The following IGSF11 variants were observed in gnomAD, a reference collection of about 807,000 sequenced individuals.
IGSF11 encodes CXADR like 1.
IGSF11 carries 22 observed loss-of-function variants against 41.0 expected under a neutral mutation model. The observed-to-expected ratio is 0.54, with a 90% confidence interval of 0.38 to 0.77. The LOEUF (loss-of-function observed/expected upper bound fraction) is 0.77. Ranked by LOEUF, IGSF11 falls within the 30% of genes least tolerant of loss-of-function variation. The probability of loss-of-function intolerance (pLI) is 0.00; values close to 1 mark genes in which losing one functional copy is unlikely to be tolerated. For synonymous variants in IGSF11, 219 were observed against 201.3 expected (o/e 1.09, Z -0.74); for missense variants, 444 against 530.8 (o/e 0.84, Z 1.61).
chr3:118,991,565 T>C (rs11919070), intron 1 of IGSF11, among the ~76,000 whole-genome samples: 3,953 of 152,318 alleles, frequency 0.026, 142 homozygotes, highest in African/African-American at 0.09. Flanking sequence ...TTAAAAAGTT[T>C]AATTTCCCTA....
chr3:119,007,234 C>T (rs1259621479), intron 1 of IGSF11, among the ~76,000 whole-genome samples: 2 of 145,000 alleles, frequency 1.4e-5, no homozygotes, highest in African/African-American at 5.4e-5. Flanking sequence ...TTTCCAGGTG[C>T]GTCCGTCACC....
chr3:118,998,014 T>G (rs1469916264), intron 1 of IGSF11, among the ~76,000 whole-genome samples: 1 of 152,196 alleles, frequency 6.6e-6, no homozygotes, highest in Non-Finnish European at 1.5e-5. Context: ...GTTTAACTAC[T>G]GTATACAAAC....
chr3:119,073,682 G>C lies in IGSF11; in HGVS notation c.49+31462C>G, dbSNP rs565891892. Among the ~76,000 whole-genome samples, 335 of 152,308 alleles carry C rather than the reference G, an allele frequency of 2.2e-3. 3 individuals are homozygous for C. Among genetic ancestry groups the C allele is most frequent in the African/African-American group, 7.4e-3 (308 of 41,570 alleles). On this transcript the variant is annotated intron_variant, in intron 1 of 6. Transcript: ENST00000354673. ...TCACTGCCCAGGGCCGGGAGCACCG[G>C]CCGGCTGCTCCAAGTGTGGGGCCAC... is the stretch of plus-strand genomic sequence containing the variant.
At chr3:118,986,585 T>C (rs1432273337) in intron 1 of IGSF11, among the ~76,000 whole-genome samples, 6 of 152,218 alleles carry the variant, frequency 3.9e-5, no homozygotes, top group Non-Finnish European at 8.8e-5. Flanking sequence ...TGGTGCCAAG[T>C]ACATACTTTC....
At chr3:119,081,267 A>G (rs1159552966) in intron 1 of IGSF11, among the ~76,000 whole-genome samples, 1 of 151,376 alleles carries the variant, frequency 6.6e-6, no homozygotes, top group African/African-American at 2.4e-5. Flanking sequence ...TTTTGTCTCT[A>G]TCTTTCCATC....
intron 1 of IGSF11, among the ~76,000 whole-genome samples, chr3:119,145,103 G>C (rs764596273): frequency 3.3e-5 from 5 of 152,202 alleles, no homozygotes; most frequent in Non-Finnish European, 7.3e-5. Context: ...AGTGTGCTTA[G>C]ATTCCCCTTT....
upstream of IGSF11, among the ~76,000 whole-genome samples, chr3:119,107,666 C>G (rs2107513891): frequency 6.6e-6 from 1 of 152,268 alleles, no homozygotes; most frequent in Non-Finnish European, 1.5e-5. Context: ...CTTGCCCATG[C>G]CTATGTCCTG....
intron 1 of IGSF11, among the ~76,000 whole-genome samples, chr3:118,971,938 CAT>C (rs1559980723): frequency 6.6e-6 from 1 of 152,032 alleles, no homozygotes; most frequent in Non-Finnish European, 1.5e-5. Context: ...TTTAAGATAA[CAT>C]ATTCCCAACA....
chr3:118,923,501 A>G (rs1333886288), intron 4 of IGSF11, among the ~76,000 whole-genome samples: 1 of 152,160 alleles, frequency 6.6e-6, no homozygotes, highest in African/African-American at 2.4e-5. Context: ...TGTTTCATCA[A>G]TTATCTCAAC....
chr3:119,135,703 C>T (rs982169773), intron 1 of IGSF11, among the ~76,000 whole-genome samples: 8 of 152,106 alleles, frequency 5.3e-5, no homozygotes, highest in Non-Finnish European at 1.0e-4. Context: ...CCCAGCCATC[C>T]CATTACTGGG....
At chr3:119,046,137 G>A (rs1173046761) in intron 1 of IGSF11, among the ~76,000 whole-genome samples, 2 of 150,994 alleles carry the variant, frequency 1.3e-5, no homozygotes, top group African/African-American at 4.9e-5. Flanking sequence ...GAACAAAGCT[G>A]GATGGAGAAT....
intron 6 of IGSF11, among the ~76,000 whole-genome samples, chr3:118,903,757 C>A (rs1186963124): frequency 1.3e-5 from 2 of 152,068 alleles, no homozygotes; most frequent in Non-Finnish European, 2.9e-5. Flanking sequence ...ACCTAAGAAA[C>A]CTATAGTCAA....
chr3:118,957,613 T>TAA (rs1945055652), intron 1 of IGSF11, among the ~76,000 whole-genome samples: 2 of 152,222 alleles, frequency 1.3e-5, no homozygotes, highest in Admixed American at 6.5e-5. Context: ...CACTCGCCAT[T>TAA]CCTTGTAGGC....
chr3:118,930,017 T>C (rs1942710243), intron 2 of IGSF11, 95 bp downstream of exon 2: 6 of 1,278,066 alleles, frequency 4.7e-6, no homozygotes, highest in Non-Finnish European at 5.5e-6. Context: ...TGCCACCTTA[T>C]TCTCGAAACC....
intron 1 of IGSF11, among the ~76,000 whole-genome samples, chr3:119,111,702 G>C (rs530332742): frequency 6.6e-6 from 1 of 152,012 alleles, no homozygotes; most frequent in Non-Finnish European, 1.5e-5. Flanking sequence ...CTGCTCTGTT[G>C]TTTCCCCATC....
At chr3:119,126,253 A>G (rs1044074742) in intron 1 of IGSF11, among the ~76,000 whole-genome samples, 3 of 152,232 alleles carry the variant, frequency 2.0e-5, no homozygotes. Context: ...TGGCTATGGC[A>G]GTCAGCAGCC....
At chr3:119,039,935 G>A (rs1941056509) in intron 1 of IGSF11, among the ~76,000 whole-genome samples, 1 of 152,062 alleles carries the variant, frequency 6.6e-6, no homozygotes, top group Non-Finnish European at 1.5e-5. Flanking sequence ...TTCATTCCTG[G>A]GCGTAGGCTG....
intron 1 of IGSF11, among the ~76,000 whole-genome samples, chr3:119,120,263 A>G (rs2077314559): frequency 6.6e-6 from 1 of 152,238 alleles, no homozygotes; most frequent in African/African-American, 2.4e-5. Context: ...GCCAGGGCTT[A>G]AAAACAAAAG....
chr3:118,987,721 T>C (rs1935399406), intron 1 of IGSF11, among the ~76,000 whole-genome samples: 2 of 152,220 alleles, frequency 1.3e-5, no homozygotes, highest in South Asian at 4.1e-4. Context: ...GCAGGCTGCC[T>C]TGGCAGGGCT....
Sources: gnomAD v4.1 joint callset for allele counts (sites outside exome capture counted in the v4.1 genomes callset) on GRCh38, gnomAD v4.1.1 for gene constraint, MANE v1.5 for transcripts, NCBI Gene and HGNC (gene_info 2026-07-23, HGNC 2026-07-21) for gene names.